INPP5B: variants seen among roughly 807,000 people sequenced by gnomAD.
INPP5B encodes the protein inositol polyphosphate-5-phosphatase B.
A neutral mutation model predicts 118.5 loss-of-function variants in INPP5B; 90 were observed. The ratio of observed to expected loss-of-function variants is 0.76; its 90% CI spans 0.64 to 0.90. INPP5B has a LOEUF of 0.90. Ranked by LOEUF, INPP5B falls within the 40% of genes least tolerant of loss-of-function variation. INPP5B has a pLI of 0.00. For synonymous variants in INPP5B, 385 were observed against 418.9 expected (o/e 0.92, Z 0.99); for missense variants, 984 against 1,125.6 (o/e 0.87, Z 1.80).
At position 37,904,108 on chromosome 1, in the gene INPP5B, C is replaced by T. The variant is rs546467389; in HGVS notation, c.533-12654G>A. 8.6e-5 allele frequency among the ~76,000 whole-genome samples: 13 copies of T among 151,896 alleles called. No homozygotes were observed. The East Asian group carries it at 1.9e-3, about 23-fold the overall frequency. ...TTGGGAGGCCGAGGCAGACAGATCACGAGGTCAGGAATTTGAGACCAGCCT... is the reference window on the plus strand; with the variant it reads ...TTGGGAGGCCGAGGCAGACAGATCATGAGGTCAGGAATTTGAGACCAGCCT... On this transcript the variant is annotated intron_variant, in intron 7 of 23. Transcript: ENST00000373024.
intron 1 of INPP5B, among the ~76,000 whole-genome samples, chr1:37,946,708 C>G (rs1186897339): frequency 6.6e-6 from 1 of 152,058 alleles, no homozygotes; most frequent in Non-Finnish European, 1.5e-5. Context: ...AGTTTTTGTT[C>G]TGCTAGCGCC....
At chr1:37,876,107 GTTTT>G (rs58127949) in intron 16 of INPP5B, among the ~76,000 whole-genome samples, 1 of 122,168 alleles carries the variant, frequency 8.2e-6, no homozygotes, top group Admixed American at 8.3e-5. Flanking sequence ...TCTCAAGTTT[GTTTT>G]TTTTTTTTTT....
At chr1:37,923,135 T>C (rs1645113138) in intron 7 of INPP5B, among the ~76,000 whole-genome samples, 1 of 152,186 alleles carries the variant, frequency 6.6e-6, no homozygotes, top group Non-Finnish European at 1.5e-5. Context: ...TATGGGTCTC[T>C]ACAATTCAAC....
chr1:37,897,928 C>T (rs890997803), intron 7 of INPP5B, among the ~76,000 whole-genome samples: 35 of 149,312 alleles, frequency 2.3e-4, no homozygotes, highest in African/African-American at 8.5e-4. Flanking sequence ...AGAGGGAGAT[C>T]CCACCTCTAA....
chr1:37,884,880 G>A (rs1158084128), intron 13 of INPP5B: 1 of 152,044 alleles, frequency 6.6e-6, no homozygotes, highest in Non-Finnish European at 1.5e-5. Flanking sequence ...GAACTGGGAG[G>A]TGGGGGTTGT....
At position 37,860,757 on chromosome 1, in the gene INPP5B, TAC is replaced by T. The variant is rs1641648043; in HGVS notation, c.*1556_*1557del. On this transcript the variant is annotated 3_prime_UTR_variant, in exon 24 of 24. Coordinates refer to ENST00000373024, the MANE Select transcript of INPP5B (RefSeq NM_005540.3). ...ACACATGGAGACAGGATGCATCATA[TAC>T]AGTTTGGAAGACTTGCTGGCCCAGA... is the stretch of plus-strand genomic sequence containing the variant. 2 of 152,256 alleles carry T rather than the reference TAC, an allele frequency of 1.3e-5. No individual in the cohort carries two copies. The highest frequency in any genetic ancestry group is 2.4e-5 in the African/African-American group (1 of 41,468). The allele number at this position is 152,256 out of a possible 1,614,324, so 9.4% of individuals were successfully genotyped here.
At position 37,943,781 on chromosome 1, in the gene INPP5B, A is replaced by G. The variant is rs1203913727; in HGVS notation, c.250+15T>C. On this transcript the variant is annotated intron_variant, in intron 4 of 23. Coordinates refer to ENST00000373024, the MANE Select transcript of INPP5B (RefSeq NM_005540.3). ...CCATAGGAGAGGATTCATACCACCC[A>G]GCCCCCTGTGGCACCTTCTTCCAGC... The G allele has an allele frequency of 6.2e-7, 1 of 1,613,016 alleles. No homozygotes were observed.
intron 7 of INPP5B, among the ~76,000 whole-genome samples, chr1:37,914,928 C>T (rs1272682111): frequency 6.6e-6 from 1 of 152,162 alleles, no homozygotes; most frequent in Non-Finnish European, 1.5e-5. Flanking sequence ...AGATTAAGCT[C>T]AGTGTGATTT....
chr1:37,892,300 AAT>A, intron 7 of INPP5B, among the ~76,000 whole-genome samples: 1 of 152,364 alleles, frequency 6.6e-6, no homozygotes, highest in East Asian at 1.9e-4. Context: ...TAAAACTGGA[AAT>A]AGTCTAAGAG....
Position 37,878,170 on chromosome 1 carries a change from G to A in INPP5B, c.1677+18C>T. The A allele has an allele frequency of 1.9e-6, 3 of 1,613,522 alleles. No individual in the cohort carries two copies. Among genetic ancestry groups the A allele is most frequent in the Non-Finnish European group, 1.7e-6 (2 of 1,179,660 alleles). On this transcript the variant is annotated intron_variant, in intron 16 of 23. Coordinates refer to ENST00000373024, the MANE Select transcript of INPP5B (RefSeq NM_005540.3). ...ATTCCCTCCAGAATGATTACAACAG[G>A]TACCAGCTGCCACCTACCCCGATGT...
At chr1:37,937,019 T>A (rs1645723775) in intron 6 of INPP5B, among the ~76,000 whole-genome samples, 1 of 151,458 alleles carries the variant, frequency 6.6e-6, no homozygotes, top group Non-Finnish European at 1.5e-5. Context: ...TGGTAAAGAG[T>A]ATATGAGGCC....
At chr1:37,879,065 A>G (rs924762187) in intron 15 of INPP5B, among the ~76,000 whole-genome samples, 1 of 151,152 alleles carries the variant, frequency 6.6e-6, no homozygotes, top group African/African-American at 2.4e-5. Context: ...TGAGGTCAAG[A>G]GATTGAGACC....
chr1:37,928,255 T>C (rs930571871), intron 7 of INPP5B, among the ~76,000 whole-genome samples: 3 of 151,786 alleles, frequency 2.0e-5, no homozygotes, highest in African/African-American at 7.3e-5. Context: ...CTCACTGCAA[T>C]CGCCACCTCC....
At chr1:37,876,695 T>C (rs1201715213) in intron 16 of INPP5B, among the ~76,000 whole-genome samples, 27 of 15,544 alleles carry the variant, frequency 1.7e-3, no homozygotes, top group African/African-American at 4.2e-3. Context: ...CCGTCTCTAC[T>C]AAAAATACAA....
chr1:37,896,275 G>A (rs1228236535), intron 7 of INPP5B, among the ~76,000 whole-genome samples: 9 of 142,514 alleles, frequency 6.3e-5, no homozygotes, highest in Admixed American at 2.1e-4. Context: ...CCCTCCGCCC[G>A]GCAGCCGCCC....
intron 7 of INPP5B, among the ~76,000 whole-genome samples, chr1:37,927,027 G>A (rs1423694901): frequency 1.2e-4 from 19 of 152,156 alleles, no homozygotes; most frequent in South Asian, 1.2e-3. Flanking sequence ...GGTGGCTCAC[G>A]CCTGTAATCT....
Position 37,886,900 on chromosome 1 carries a change from G to A in INPP5B, c.1119C>T (p.Ile373=), listed in dbSNP as rs1643572894. 1.2e-6 allele frequency: 2 copies of A among 1,613,774 alleles called. No homozygotes were observed. Among genetic ancestry groups the A allele is most frequent in the South Asian group, 1.1e-5 (1 of 91,076 alleles). The change falls in exon 12 of 24, where the codon ATC becomes ATT. Residue 373 remains isoleucine, a synonymous_variant. Transcript: ENST00000373024. ...EVEAETVGTG[I]MGRMGNKGGV... ...ACCAAGGACTCACCATCCTCCCCAT[G>A]ATTCCTGTCCCCACAGTCTCGGCTT...
intron 7 of INPP5B, among the ~76,000 whole-genome samples, chr1:37,897,243 C>T (rs1644148403): frequency 6.6e-6 from 1 of 151,256 alleles, no homozygotes; most frequent in South Asian, 2.1e-4. Flanking sequence ...TACCCAACAG[C>T]TCATTGAGAA....
intron 20 of INPP5B, among the ~76,000 whole-genome samples, chr1:37,868,020 G>A (rs529274274): frequency 1.3e-4 from 20 of 152,262 alleles, no homozygotes; most frequent in African/African-American, 4.6e-4. Flanking sequence ...TTCCCTTGGG[G>A]GTAATCAGGT....
Sources: gnomAD v4.1 joint callset for allele counts (sites outside exome capture counted in the v4.1 genomes callset) on GRCh38, gnomAD v4.1.1 for gene constraint, MANE v1.5 for transcripts, NCBI Gene and HGNC (gene_info 2026-07-23, HGNC 2026-07-21) for gene names.